CHST9: variants seen among roughly 807,000 people sequenced by gnomAD.
The protein encoded by CHST9 is carbohydrate sulfotransferase 9, also known as GalNAc-4-sulfotransferase 2.
A neutral mutation model predicts 44.4 loss-of-function variants in CHST9; 41 were observed. That is an observed-to-expected ratio of 0.92 (90% confidence interval 0.72 to 1.20). The LOEUF is 1.20. Among genes scored for constraint, CHST9 ranks in the 50% most tolerant of loss-of-function variants. The pLI is 0.00. For missense variants in CHST9, 504 were observed against 516.5 expected (o/e 0.98, Z 0.23); for synonymous variants, 171 against 178.4 (o/e 0.96, Z 0.33).
intron 2 of CHST9, among the ~76,000 whole-genome samples, chr18:27,052,252 G>T (rs188855231): frequency 6.7e-6 from 1 of 149,778 alleles, no homozygotes; most frequent in African/African-American, 2.4e-5. Context: ...ATAGGTGTGT[G>T]TGTATATATA....
intron 4 of CHST9, among the ~76,000 whole-genome samples, chr18:26,950,620 A>G (rs1464954710): frequency 1.3e-5 from 2 of 152,214 alleles, no homozygotes; most frequent in African/African-American, 4.8e-5. Flanking sequence ...GTAAGTTAGG[A>G]ACAGAAAACC....
chr18:26,946,181 A>G (rs954477263), intron 4 of CHST9, among the ~76,000 whole-genome samples: 13 of 152,146 alleles, frequency 8.5e-5, no homozygotes, highest in African/African-American at 3.1e-4. Flanking sequence ...TGTTTAAAGA[A>G]GAGACAACAT....
At chr18:27,092,794 A>G (rs1321860784) in intron 2 of CHST9, among the ~76,000 whole-genome samples, 1 of 152,204 alleles carries the variant, frequency 6.6e-6, no homozygotes, top group Admixed American at 6.5e-5. Context: ...GTTTGATTGC[A>G]CTGTGGTCTG....
intron 4 of CHST9, among the ~76,000 whole-genome samples, chr18:26,965,057 T>C (rs1428846292): frequency 6.6e-6 from 1 of 152,206 alleles, no homozygotes; most frequent in Non-Finnish European, 1.5e-5. Context: ...TTTGTAGTTG[T>C]CCAAAGTGAT....
At chr18:27,004,490 C>T (rs1359919086) in intron 4 of CHST9, among the ~76,000 whole-genome samples, 1 of 152,026 alleles carries the variant, frequency 6.6e-6, no homozygotes, top group Non-Finnish European at 1.5e-5. Context: ...CATTTGGCAC[C>T]TAACAATAAT....
At chr18:27,053,051 C>A (rs1257632112) in intron 2 of CHST9, among the ~76,000 whole-genome samples, 5 of 149,718 alleles carry the variant, frequency 3.3e-5, no homozygotes, top group African/African-American at 7.4e-5. Context: ...AACAAACCTG[C>A]ATGTTCAGCA....
chr18:27,064,075 T>G (rs1402756762), intron 2 of CHST9, among the ~76,000 whole-genome samples: 3 of 152,134 alleles, frequency 2.0e-5, no homozygotes, highest in Non-Finnish European at 2.9e-5. Flanking sequence ...TAAGCTCTGT[T>G]GTGACACTGC....
intron 2 of CHST9, among the ~76,000 whole-genome samples, chr18:27,090,209 T>G (rs535468394): frequency 4.6e-5 from 7 of 152,336 alleles, no homozygotes; most frequent in East Asian, 3.9e-4. Context: ...ATGATGAGCA[T>G]TTTTTCATGT....
chr18:27,080,998 T>C (rs1353674499), intron 2 of CHST9, among the ~76,000 whole-genome samples: 13 of 152,084 alleles, frequency 8.5e-5, no homozygotes, highest in Admixed American at 6.5e-4. Context: ...CTAGGAGTGA[T>C]AGTACAAGCC....
At chr18:26,976,444 A>C (rs1342591187) in intron 4 of CHST9, among the ~76,000 whole-genome samples, 2 of 152,138 alleles carry the variant, frequency 1.3e-5, no homozygotes, top group Non-Finnish European at 2.9e-5. Context: ...CAGAAGCTGA[A>C]TGAAGTCAGG....
intron 4 of CHST9, among the ~76,000 whole-genome samples, chr18:26,985,782 CA>C (rs1439748462): frequency 6.6e-6 from 1 of 152,164 alleles, no homozygotes; most frequent in African/African-American, 2.4e-5. Flanking sequence ...GACACTTACA[CA>C]AGGGTGGGAA....
intron 2 of CHST9, among the ~76,000 whole-genome samples, chr18:27,070,593 A>C (rs2057827804): frequency 6.6e-6 from 1 of 152,182 alleles, no homozygotes; most frequent in Non-Finnish European, 1.5e-5. Flanking sequence ...GCATTTATTT[A>C]ATGAAGATGT....
At chr18:27,049,565 A>G (rs1371934408) in intron 2 of CHST9, among the ~76,000 whole-genome samples, 1 of 152,120 alleles carries the variant, frequency 6.6e-6, no homozygotes, top group East Asian at 1.9e-4. Context: ...GGGGACTTCA[A>G]CAGGCACTGA....
At chr18:27,011,500 C>A (rs987971769) in intron 4 of CHST9, among the ~76,000 whole-genome samples, 3 of 152,112 alleles carry the variant, frequency 2.0e-5, no homozygotes, top group African/African-American at 7.2e-5. Context: ...CAGCACCATG[C>A]AGTAAATCAC....
intron 3 of CHST9, among the ~76,000 whole-genome samples, chr18:27,034,498 G>GTTT (rs2057371410): frequency 6.6e-6 from 1 of 152,130 alleles, no homozygotes; most frequent in African/African-American, 2.4e-5. Flanking sequence ...ATTGTCCAGT[G>GTTT]TTTATTTTTT....
At chr18:27,038,805 G>A (rs2057416239) in intron 3 of CHST9, among the ~76,000 whole-genome samples, 1 of 151,790 alleles carries the variant, frequency 6.6e-6, no homozygotes, top group Non-Finnish European at 1.5e-5. Flanking sequence ...TAATACACAT[G>A]TTCAGCCTAT....
At chr18:27,158,519 G>C (rs62082924) in intron 1 of CHST9, among the ~76,000 whole-genome samples, 40,646 of 145,860 alleles carry the variant, frequency 0.28, 6,117 homozygotes, top group Middle Eastern at 0.39. Flanking sequence ...GGACATTTGG[G>C]TTGGTTCCAA....
intron 2 of CHST9, among the ~76,000 whole-genome samples, chr18:27,079,841 T>C (rs1048759848): frequency 2.0e-5 from 3 of 152,200 alleles, no homozygotes; most frequent in Non-Finnish European, 2.9e-5. Flanking sequence ...CTCTTAAAAT[T>C]TGGCTATCCC....
chr18:27,003,724 T>C (rs1372718897), intron 4 of CHST9, among the ~76,000 whole-genome samples: 1 of 152,146 alleles, frequency 6.6e-6, no homozygotes, highest in Non-Finnish European at 1.5e-5. Flanking sequence ...ATGAATTAAA[T>C]TGGTTTTTGG....
Sources: allele counts gnomAD v4.1 joint callset (sites outside exome capture counted in the v4.1 genomes callset), GRCh38; gene constraint gnomAD v4.1.1; transcripts MANE v1.5; gene names NCBI Gene and HGNC (gene_info 2026-07-23, HGNC 2026-07-21).